The following MTUS2 variants were observed in gnomAD, a reference collection of about 807,000 sequenced individuals.
MTUS2 encodes microtubule-associated tumor suppressor candidate 2.
In MTUS2, 40 loss-of-function variants were observed where a neutral mutation model predicts 114.1. The ratio of observed to expected loss-of-function variants is 0.35; its 90% CI spans 0.27 to 0.46. The LOEUF is 0.46. Ranked by LOEUF, MTUS2 falls within the 20% of genes least tolerant of loss-of-function variation. The pLI is 1.00. For missense variants in MTUS2, 1,679 were observed against 1,705.4 expected (o/e 0.98, Z 0.27); for synonymous variants, 688 against 672.0 (o/e 1.02, Z -0.37).
intron 5 of MTUS2, among the ~76,000 whole-genome samples, chr13:29,203,651 CA>C (rs1462392995): frequency 3.3e-5 from 5 of 151,470 alleles, no homozygotes; most frequent in African/African-American, 1.2e-4. Context: ...GCCCTGGTGG[CA>C]TAGGCACCCA....
At chr13:29,170,496 T>G (rs1244744552) in intron 5 of MTUS2, among the ~76,000 whole-genome samples, 1 of 152,154 alleles carries the variant, frequency 6.6e-6, no homozygotes, top group Non-Finnish European at 1.5e-5. Flanking sequence ...AGCTGTGGGG[T>G]GAAGGAAACC....
chr13:29,361,006 G>A (rs189235014), intron 8 of MTUS2, among the ~76,000 whole-genome samples: 38 of 152,276 alleles, frequency 2.5e-4, no homozygotes, highest in Middle Eastern at 3.4e-3. Flanking sequence ...AATATGTTCC[G>A]TGTTTTAGAA....
chr13:29,178,451 A>G (rs550499941), intron 5 of MTUS2, among the ~76,000 whole-genome samples: 1 of 152,270 alleles, frequency 6.6e-6, no homozygotes, highest in Non-Finnish European at 1.5e-5. Flanking sequence ...TTATGGTCTA[A>G]AGCAGAGTTT....
chr13:29,219,650 C>G (rs1167073180), intron 5 of MTUS2, among the ~76,000 whole-genome samples: 2 of 152,182 alleles, frequency 1.3e-5, no homozygotes, highest in African/African-American at 2.4e-5. Flanking sequence ...AAGACTGTTT[C>G]ATCTACATTT....
At chr13:29,092,784 C>A (rs148287094) in intron 4 of MTUS2, among the ~76,000 whole-genome samples, 19 of 152,228 alleles carry the variant, frequency 1.2e-4, no homozygotes, top group African/African-American at 4.6e-4. Context: ...AATCATGTAT[C>A]AATTATTCCA....
intron 7 of MTUS2, among the ~76,000 whole-genome samples, chr13:29,351,159 T>C (rs574245545): frequency 6.6e-6 from 1 of 151,968 alleles, no homozygotes; most frequent in South Asian, 2.1e-4. Flanking sequence ...AGGGACAGTT[T>C]TTCTTTTTCC....
chr13:29,122,097 A>G (rs906029232), intron 5 of MTUS2, among the ~76,000 whole-genome samples: 4 of 152,168 alleles, frequency 2.6e-5, no homozygotes, highest in African/African-American at 9.7e-5. Context: ...TCTTGAGCAG[A>G]AAGTTGTACT....
At chr13:29,472,138 C>CCT (rs1880363963) in intron 9 of MTUS2, among the ~76,000 whole-genome samples, 1 of 152,148 alleles carries the variant, frequency 6.6e-6, no homozygotes. Flanking sequence ...GATTCTCCTG[C>CCT]CTCAGCCTCC....
intron 2 of MTUS2, among the ~76,000 whole-genome samples, chr13:28,924,741 C>T (rs558241791): frequency 1.3e-5 from 2 of 152,180 alleles, no homozygotes; most frequent in Admixed American, 1.3e-4. Context: ...TGAAGCAGTG[C>T]CCAAGACCCT....
intron 9 of MTUS2, among the ~76,000 whole-genome samples, chr13:29,477,786 T>TAA (rs1203677356): frequency 1.3e-5 from 2 of 152,148 alleles, no homozygotes; most frequent in Non-Finnish European, 2.9e-5. Context: ...TATATATATA[T>TAA]AATTGGTCCA....
chr13:29,237,601 A>G (rs1412506124), intron 5 of MTUS2, among the ~76,000 whole-genome samples: 1 of 152,144 alleles, frequency 6.6e-6, no homozygotes, highest in Non-Finnish European at 1.5e-5. Flanking sequence ...CAATAAGGGT[A>G]TGTCTGTTGT....
At chr13:28,826,153 A>G (rs1447983004) in intron 1 of MTUS2, among the ~76,000 whole-genome samples, 7 of 152,134 alleles carry the variant, frequency 4.6e-5, no homozygotes, top group Admixed American at 3.3e-4. Context: ...TAATGTAACC[A>G]AGCACTTTTC....
intron 5 of MTUS2, among the ~76,000 whole-genome samples, chr13:29,146,157 G>A (rs1892425312): frequency 6.6e-6 from 1 of 152,182 alleles, no homozygotes; most frequent in Admixed American, 6.5e-5. Context: ...CCCAAAGAAT[G>A]TCAACACCTT....
At chr13:28,937,619 C>T (rs1052763524) in intron 2 of MTUS2, among the ~76,000 whole-genome samples, 6 of 152,168 alleles carry the variant, frequency 3.9e-5, no homozygotes, top group African/African-American at 1.2e-4. Flanking sequence ...AGTTTCACAC[C>T]GCCTGATGGA....
intron 5 of MTUS2, among the ~76,000 whole-genome samples, chr13:29,196,135 C>A (rs565419930): frequency 6.7e-6 from 1 of 149,486 alleles, no homozygotes; most frequent in South Asian, 2.1e-4. Flanking sequence ...CTCGCTCTGT[C>A]GCCGAGGTGG....
intron 8 of MTUS2, among the ~76,000 whole-genome samples, chr13:29,411,030 C>T (rs1337316072): frequency 2.0e-5 from 3 of 152,132 alleles, no homozygotes; most frequent in Non-Finnish European, 2.9e-5. Flanking sequence ...TGGGGTTTCG[C>T]CATGTTGGCC....
chr13:29,353,949 C>A (rs183427325), intron 7 of MTUS2, among the ~76,000 whole-genome samples: 5 of 152,296 alleles, frequency 3.3e-5, no homozygotes, highest in Admixed American at 2.0e-4. Context: ...TGAGGTCACT[C>A]TTCAGATCTT....
intron 8 of MTUS2, among the ~76,000 whole-genome samples, chr13:29,368,819 G>A (rs1593358534): frequency 6.6e-6 from 1 of 152,188 alleles, no homozygotes; most frequent in Non-Finnish European, 1.5e-5. Context: ...CAAGCTCGGG[G>A]TGGTTTACAT....
chr13:28,927,024 G>T (rs1388269812), intron 2 of MTUS2, among the ~76,000 whole-genome samples: 1 of 152,150 alleles, frequency 6.6e-6, no homozygotes, highest in Non-Finnish European at 1.5e-5. Context: ...GGGGAGTCAG[G>T]TGCAGAAAGG....
Sources: allele counts gnomAD v4.1 joint callset (sites outside exome capture counted in the v4.1 genomes callset), GRCh38; gene constraint gnomAD v4.1.1; transcripts MANE v1.5; gene names NCBI Gene and HGNC (gene_info 2026-07-23, HGNC 2026-07-21).